Variants in ABCC1 observed in about 807,000 individuals in gnomAD.
ABCC1 encodes the protein ATP binding cassette subfamily C member 1 (ABCC1 blood group).
A neutral mutation model predicts 172.9 loss-of-function variants in ABCC1; 83 were observed. That is an observed-to-expected ratio of 0.48 (90% confidence interval 0.40 to 0.58). The LOEUF is 0.58. ABCC1 is among the 20% of genes least tolerant of loss of function. The probability of loss-of-function intolerance (pLI) is 0.00; values close to 1 mark genes in which losing one functional copy is unlikely to be tolerated. For missense variants in ABCC1, 1,817 were observed against 2,002.7 expected (o/e 0.91, Z 1.77); for synonymous variants, 937 against 825.2 (o/e 1.14, Z -2.32).
intron 1 of ABCC1, among the ~76,000 whole-genome samples, chr16:15,959,955 A>G (rs1239208411): frequency 6.6e-6 from 1 of 152,080 alleles, no homozygotes; most frequent in African/African-American, 2.4e-5. Context: ...AGTAATTGAG[A>G]TTTTTATGGA....
chr16:16,038,626 C>T (rs57438921), intron 7 of ABCC1, among the ~76,000 whole-genome samples: 8,406 of 152,240 alleles, frequency 0.055, 268 homozygotes, highest in Middle Eastern at 0.13. Context: ...GAAACATCCT[C>T]ACAGACACAC....
At chr16:15,960,546 A>G (rs533139943) in intron 1 of ABCC1, among the ~76,000 whole-genome samples, 4 of 152,300 alleles carry the variant, frequency 2.6e-5, no homozygotes, top group South Asian at 4.1e-4. Context: ...TGGGGTTTAC[A>G]CTGAGGGTGA....
chr16:16,128,013 T>G (rs146049994), intron 26 of ABCC1, among the ~76,000 whole-genome samples: 3,351 of 150,194 alleles, frequency 0.022, 58 homozygotes, highest in Middle Eastern at 0.045. Context: ...CTCCACCTCC[T>G]GGGTTCAAGT....
At position 16,036,608 on chromosome 16, in the gene ABCC1, G is replaced by T. The variant is rs769002694; in HGVS notation, c.809+5G>T. On this transcript the variant is annotated splice_donor_5th_base_variant and intron_variant, in intron 7 of 30. Transcript: ENST00000399410. ...GGAATGCGCCAAGACTAGGAAGTAA[G>T]TGTGAGTTTCCTTGTCCTCCAGGAT... 6.2e-7 allele frequency: 1 copy of T among 1,613,394 alleles called. No individual in the cohort carries two copies. The highest frequency in any genetic ancestry group is 8.5e-7 in the Non-Finnish European group (1 of 1,179,584).
intron 13 of ABCC1, among the ~76,000 whole-genome samples, chr16:16,070,491 T>C (rs551220985): frequency 2.6e-5 from 4 of 152,264 alleles, no homozygotes; most frequent in Admixed American, 6.5e-5. Flanking sequence ...GGTGAAACCC[T>C]GTCTCTGCTA....
At chr16:16,082,988 T>A (rs7185286) in intron 16 of ABCC1, among the ~76,000 whole-genome samples, 8 of 152,006 alleles carry the variant, frequency 5.3e-5, no homozygotes, top group Non-Finnish European at 1.0e-4. Flanking sequence ...TTTTTATCTT[T>A]GCGTCCACCG....
intron 19 of ABCC1, 68 bp downstream of exon 19, chr16:16,090,656 T>G: frequency 1.4e-6 from 2 of 1,456,074 alleles, no homozygotes; most frequent in Non-Finnish European, 1.8e-6. Context: ...ATTGGCCTCT[T>G]TGAGGTTGCC....
chr16:16,136,109 C>T (rs1201138931), intron 28 of ABCC1, among the ~76,000 whole-genome samples: 3 of 151,704 alleles, frequency 2.0e-5, no homozygotes, highest in Non-Finnish European at 2.9e-5. Flanking sequence ...CTGCAACTTC[C>T]GTCTCCCGGG....
At chr16:16,014,377 C>T (rs1206999338) in intron 3 of ABCC1, 114 bp from the exon 4 acceptor site, 43 of 1,231,310 alleles carry the variant, frequency 3.5e-5, no homozygotes, top group Non-Finnish European at 4.1e-5. Context: ...ACCTGGGAGG[C>T]GGAGGTTGCA....
chr16:16,001,451 C>T (rs1456799925), intron 1 of ABCC1, among the ~76,000 whole-genome samples: 4 of 152,018 alleles, frequency 2.6e-5, no homozygotes, highest in South Asian at 2.1e-4. Flanking sequence ...CCACCCACCT[C>T]GGCCTCCCAA....
In ABCC1 at chr16:16,138,381, T is replaced by C; in HGVS notation, c.4310T>C (p.Leu1437Pro). The C allele has an allele frequency of 1.3e-6, 2 of 1,593,338 alleles. No individual in the cohort carries two copies. Among genetic ancestry groups the C allele is most frequent in the South Asian group, 1.1e-5 (1 of 90,314 alleles). ...CGGTCAAGTGTCGGGCAGCGCCAGC[T>C]TGTGTGCCTAGCCCGGGCCCTGCTG... ...GENLSVGQRQ[L>P]VCLARALLRK... The change falls in exon 30 of 31, where the codon CTT (leucine) becomes CCT (proline). Residue 1437 changes from leucine to proline, a missense_variant. Physicochemically the swap from Leu to Pro is moderately conservative, Grantham distance 98. This residue lies in a region of ABCC1 where 1,412 missense variants were observed against 1,600.3 expected (regional missense o/e 0.88). Transcript: ENST00000399410.
intron 22 of ABCC1, among the ~76,000 whole-genome samples, chr16:16,114,379 G>A (rs1037785068): frequency 6.7e-6 from 1 of 149,704 alleles, no homozygotes; most frequent in Non-Finnish European, 1.5e-5. Context: ...TCATTCTGTC[G>A]CCCATGTTGG....
intron 12 of ABCC1, among the ~76,000 whole-genome samples, chr16:16,057,977 C>T (rs192917610): frequency 9.2e-5 from 14 of 152,220 alleles, no homozygotes; most frequent in South Asian, 2.1e-4. Flanking sequence ...GCTTGTCTGA[C>T]GTGCAGATGC....
At chr16:16,033,280 C>G (rs1479230593) in intron 6 of ABCC1, 110 bp downstream of exon 6, 1 of 1,102,392 alleles carries the variant, frequency 9.1e-7, no homozygotes, top group Non-Finnish European at 1.4e-6. Flanking sequence ...CTCCTTTGCT[C>G]TTCTGCAGAG....
intron 19 of ABCC1, among the ~76,000 whole-genome samples, chr16:16,101,198 A>G (rs962621022): frequency 6.6e-6 from 1 of 151,784 alleles, no homozygotes; most frequent in Admixed American, 6.6e-5. Context: ...CGCCCAGCTA[A>G]TTTTTGTATT....
intron 3 of ABCC1, among the ~76,000 whole-genome samples, chr16:16,014,201 C>A (rs764537642): frequency 6.6e-6 from 1 of 152,042 alleles, no homozygotes; most frequent in Non-Finnish European, 1.5e-5. Context: ...ATCCCAGCAC[C>A]TTGGGAGGCC....
At chr16:16,131,323 C>T (rs1280885593) in intron 26 of ABCC1, among the ~76,000 whole-genome samples, 1 of 152,138 alleles carries the variant, frequency 6.6e-6, no homozygotes, top group Non-Finnish European at 1.5e-5. Flanking sequence ...GTTTCTGTGC[C>T]TTCTACCACT....
intron 1 of ABCC1, among the ~76,000 whole-genome samples, chr16:15,969,674 A>G (rs553116905): frequency 2.3e-4 from 35 of 151,384 alleles, no homozygotes; most frequent in Admixed American, 7.9e-4. Flanking sequence ...CTCCCAGCCC[A>G]TAGTCTTTTT....
chr16:16,056,113 G>C lies in ABCC1; in HGVS notation c.1495G>C (p.Asp499His). 1.2e-6 allele frequency: 2 copies of C among 1,614,180 alleles called. No homozygotes were observed. The highest frequency in any genetic ancestry group is 1.7e-6 in the Non-Finnish European group (2 of 1,180,030). The change falls in exon 12 of 31, where the codon GAC becomes CAC. Residue 499 changes from aspartate (D) to histidine (H), a missense_variant. Asp to His is a moderately conservative substitution (Grantham distance 81). Transcript: ENST00000399410. The stretch of plus-strand genomic sequence containing the variant: ...CAAGGTGGCCCACATGAAGAGCAAA[G>C]ACAATCGGATCAAGCTGATGAACGA... ...TYQVAHMKSK[D>H]NRIKLMNEIL...
Sources: allele counts gnomAD v4.1 joint callset (sites outside exome capture counted in the v4.1 genomes callset), GRCh38; gene constraint gnomAD v4.1.1; regional missense constraint gnomAD v4.1.1; transcripts MANE v1.5; gene names NCBI Gene and HGNC (gene_info 2026-07-23, HGNC 2026-07-21).